Variants in RFTN1 observed in about 807,000 individuals in gnomAD.
RFTN1 encodes raftlin.
RFTN1 carries 26 observed loss-of-function variants against 46.5 expected under a neutral mutation model. The ratio of observed to expected loss-of-function variants is 0.56; its 90% confidence interval spans 0.41 to 0.78. The LOEUF (loss-of-function observed/expected upper bound fraction) is 0.78. Among genes scored for constraint, RFTN1 ranks in the 30% least tolerant of loss-of-function variants. The pLI, the probability that RFTN1 is intolerant of heterozygous loss-of-function variation, is 0.00. For missense variants in RFTN1, 693 were observed against 718.7 expected, an observed-to-expected ratio of 0.96 and a Z score of 0.41; for synonymous variants, 261 against 284.2, an observed-to-expected ratio of 0.92 and a Z score of 0.82.
At chr3:16,357,865 A>T in intron 7 of RFTN1, 67 bp downstream of exon 7, 1 of 1,002,284 alleles carries the variant, frequency 1.0e-6, no homozygotes, top group Non-Finnish European at 1.6e-6. Context: ...CCACGGTCAG[A>T]TCAAGCAGGC....
At position 16,374,086 on chromosome 3, in the gene RFTN1, AGG is replaced by A. The variant is rs2073642620; in HGVS notation, c.826+3630_826+3631del. 6.6e-6 allele frequency among the ~76,000 whole-genome samples: 1 copy of A among 152,202 alleles called. No individual in the cohort carries two copies. The highest frequency in any genetic ancestry group is 6.5e-5 in the Admixed American group (1 of 15,282). ...CACCTGCAAGCATGACAGCAGCCAC[AGG>A]CATGTGTCCCATATTTACAAGGGCC... On this transcript the variant is annotated intron_variant, in intron 5 of 9. Coordinates refer to ENST00000334133, the MANE Select transcript of RFTN1 (RefSeq NM_015150.2). The surrounding 1 kb of genome is among the most constrained non-coding windows in gnomAD (Gnocchi z 5.4).
At chr3:16,461,202 C>T (rs1323580228) in intron 2 of RFTN1, among the ~76,000 whole-genome samples, 1 of 151,770 alleles carries the variant, frequency 6.6e-6, no homozygotes, top group Non-Finnish European at 1.5e-5. Flanking sequence ...ATAAGCTCTG[C>T]TATAATGAGT....
rs570108584 is a variant in RFTN1 at position 16,436,783 on chromosome 3, A to G, written c.146-2746T>C. 4.6e-5 allele frequency among the ~76,000 whole-genome samples: 7 copies of G among 152,304 alleles called. No individual in the cohort carries two copies. The East Asian group carries it at 1.3e-3, about 29-fold the overall frequency. ...GTTTATGACTGTGATCCATTAATCT[A>G]TTTGTATAAAACACTACTTCAAACA... On this transcript the variant is annotated intron_variant, in intron 2 of 9. Coordinates refer to ENST00000334133, the MANE Select transcript of RFTN1 (RefSeq NM_015150.2).
rs1410916632 is a variant in RFTN1 at position 16,425,336 on chromosome 3, T to C, written c.332+8515A>G. On this transcript the variant is annotated intron_variant, in intron 3 of 9. Coordinates refer to ENST00000334133, the MANE Select transcript of RFTN1 (RefSeq NM_015150.2). This position sits in a 1 kb window ranked among gnomAD's most constrained non-coding sequence, Gnocchi z 4.3. ...TGAAGTATTCACCCAAGTTTTAAGA[T>C]TAACAGGAAATTTCAAAGAAATTCA... Among the ~76,000 whole-genome samples, 1 of 152,204 alleles carries C rather than the reference T, an allele frequency of 6.6e-6. No individual in the cohort carries two copies. The highest frequency in any genetic ancestry group is 1.5e-5 in the Non-Finnish European group (1 of 68,034).
Position 16,479,466 on chromosome 3 carries a change from G to C in RFTN1, c.145+14259C>G, listed in dbSNP as rs75124651. Among the ~76,000 whole-genome samples the C allele has an allele frequency of 0.033, 5,010 of 152,276 alleles. 129 individuals carry two copies. The highest frequency in any genetic ancestry group is 0.065 in the Middle Eastern group (19 of 294). ...TTGGATCACCAGTCTGAGGGATATG[G>C]AAGGCAATCCAGAAAAACCTCAACA... On this transcript the variant is annotated intron_variant, in intron 2 of 9. Transcript: ENST00000334133. The surrounding 1 kb of genome is among the most constrained non-coding windows in gnomAD (Gnocchi z 5.1).
Position 16,450,675 on chromosome 3 carries a change from A to G in RFTN1, c.146-16638T>C, listed in dbSNP as rs2075808967. On this transcript the variant is annotated intron_variant, in intron 2 of 9. Transcript: ENST00000334133. The surrounding 1 kb of genome is among the most constrained non-coding windows in gnomAD (Gnocchi z 4.6). ...CCAGGATTAAAACAATAAGTTTAAC[A>G]AATGCTATAAAACTAATCTAGTGTC... Among the ~76,000 whole-genome samples, 1 of 152,248 alleles carries G rather than the reference A, an allele frequency of 6.6e-6. No homozygotes were observed. The highest frequency in any genetic ancestry group is 2.4e-5 in the African/African-American group (1 of 41,470).
At position 16,410,220 on chromosome 3, in the gene RFTN1, C is replaced by T. The variant is rs1259257774; in HGVS notation, c.333-737G>A. ...ATACAGCTTACATGTTATACACACA[C>T]ACACACACACACACACACACACACA... On this transcript the variant is annotated intron_variant, in intron 3 of 9. Transcript: ENST00000334133. This position sits in a 1 kb window ranked among gnomAD's most constrained non-coding sequence, Gnocchi z 4.6. Among the ~76,000 whole-genome samples, 20 of 69,750 alleles carry T rather than the reference C, an allele frequency of 2.9e-4. No homozygotes were observed. The highest frequency in any genetic ancestry group is 8.7e-4 in the African/African-American group (20 of 22,894). The allele number at this position is 69,750 out of a possible 152,430, so 45.8% of individuals were successfully genotyped here.
At position 16,382,515 on chromosome 3, in the gene RFTN1, A is replaced by G. The variant is rs1449775809; in HGVS notation, c.442-4413T>C. 6.6e-6 allele frequency among the ~76,000 whole-genome samples: 1 copy of G among 152,148 alleles called. No individual in the cohort carries two copies. The highest frequency in any genetic ancestry group is 2.4e-5 in the African/African-American group (1 of 41,428). Reference sequence around the variant, plus strand: ...CCGGCTGCCAGCTCTCCTCCACTCTACACTCCCCTTGGTGACTTCCTCTAC... The same window carrying G: ...CCGGCTGCCAGCTCTCCTCCACTCTGCACTCCCCTTGGTGACTTCCTCTAC... On this transcript the variant is annotated intron_variant, in intron 4 of 9. Coordinates refer to ENST00000334133, the MANE Select transcript of RFTN1 (RefSeq NM_015150.2). This position sits in a 1 kb window ranked among gnomAD's most constrained non-coding sequence, Gnocchi z 4.7.
chr3:16,407,828 C>T lies in RFTN1; in HGVS notation c.441+1547G>A, dbSNP rs2074896171. ...TCTTAAATAATAATCTGAATTCTACCAGAGTAGAAAGAGCCTCCCTCATCC... is the reference window on the plus strand; with the variant it reads ...TCTTAAATAATAATCTGAATTCTACTAGAGTAGAAAGAGCCTCCCTCATCC... On this transcript the variant is annotated intron_variant, in intron 4 of 9. Coordinates refer to ENST00000334133, the MANE Select transcript of RFTN1 (RefSeq NM_015150.2). This position sits in a 1 kb window ranked among gnomAD's most constrained non-coding sequence, Gnocchi z 4.0. Among the ~76,000 whole-genome samples, 1 of 151,954 alleles carries T rather than the reference C, an allele frequency of 6.6e-6. No homozygotes were observed. Among genetic ancestry groups the T allele is most frequent in the Non-Finnish European group, 1.5e-5 (1 of 68,002 alleles).
chr3:16,357,590 GCT>G (rs2072535509), intron 7 of RFTN1, among the ~76,000 whole-genome samples: 1 of 152,016 alleles, frequency 6.6e-6, no homozygotes, highest in Non-Finnish European at 1.5e-5. Flanking sequence ...TATTGATGCT[GCT>G]CTGAGTATTA....
rs2076667204 is a variant in RFTN1 at position 16,499,043 on chromosome 3, G to A, written c.-8-5166C>T. ...CAGTGGGAGGGAAGGCAGAGGAAAA[G>A]GTCTAAGGAATAGTACTGTCAGATG... On this transcript the variant is annotated intron_variant, in intron 1 of 9. Transcript: ENST00000334133. The surrounding 1 kb of genome is among the most constrained non-coding windows in gnomAD (Gnocchi z 4.9). Among the ~76,000 whole-genome samples the A allele has an allele frequency of 2.0e-5, 3 of 152,306 alleles. No individual in the cohort carries two copies. In the South Asian group the frequency reaches 6.2e-4, roughly 32 times the overall value.
Position 16,357,133 on chromosome 3 carries a change from A to AC in RFTN1, c.1146+798_1146+799insG, listed in dbSNP as rs1553729410. Reference sequence around the variant, plus strand: ...CCATCTCAAAAAAAAAAAAAACAAAAAAACAAACAAACAAACAAACAAAAA... The same window carrying AC: ...CCATCTCAAAAAAAAAAAAAACAAAACAAACAAACAAACAAACAAACAAAAA... On this transcript the variant is annotated intron_variant, in intron 7 of 9. Transcript: ENST00000334133. Among the ~76,000 whole-genome samples the AC allele has an allele frequency of 8.8e-3, 1,230 of 139,294 alleles. 26 individuals are homozygous for AC. The highest frequency in any genetic ancestry group is 0.035 in the African/African-American group (1,167 of 33,286). 91.4% of individuals were successfully genotyped at this position (139,294 alleles called of 152,430 possible). A position where few individuals can be genotyped will look rare whatever the true frequency, so the allele number is the denominator to read the frequency against.
chr3:16,378,343 T>C (rs181563829), intron 4 of RFTN1, among the ~76,000 whole-genome samples: 1 of 152,344 alleles, frequency 6.6e-6, no homozygotes, highest in Admixed American at 6.5e-5. Context: ...AGCATTTGGC[T>C]TTGAAGAGTT....
rs73816458 is a variant in RFTN1, at chr3:16,442,584, C to T, written c.146-8547G>A. On this transcript the variant is annotated intron_variant, in intron 2 of 9. Transcript: ENST00000334133. The surrounding 1 kb of genome is among the most constrained non-coding windows in gnomAD (Gnocchi z 4.1). ...CACATAGTTAGTTTTCTTTTTTGTG[C>T]GTGGTAAGAGTACCTAAAATCTATT... Among the ~76,000 whole-genome samples the T allele has an allele frequency of 5.7e-3, 869 of 152,170 alleles. 10 individuals are homozygous for T. Among genetic ancestry groups the T allele is most frequent in the African/African-American group, 0.02 (819 of 41,530 alleles).
At chr3:16,464,963 C>T (rs1386574697) in intron 2 of RFTN1, among the ~76,000 whole-genome samples, 1 of 152,164 alleles carries the variant, frequency 6.6e-6, no homozygotes, top group African/African-American at 2.4e-5. Context: ...CTTATTCCAG[C>T]CATCTCCCCA....
intron 5 of RFTN1, among the ~76,000 whole-genome samples, chr3:16,373,292 C>T (rs2125367339): frequency 6.6e-6 from 1 of 152,348 alleles, no homozygotes; most frequent in South Asian, 2.1e-4. Context: ...CTCATCTCTC[C>T]CTTTCCCCCA....
Position 16,384,413 on chromosome 3 carries a change from G to A in RFTN1, c.442-6311C>T, listed in dbSNP as rs2074096979. Among the ~76,000 whole-genome samples the A allele has an allele frequency of 6.6e-6, 1 of 152,190 alleles. No individual in the cohort carries two copies. Among genetic ancestry groups the A allele is most frequent in the Non-Finnish European group, 1.5e-5 (1 of 68,034 alleles). On this transcript the variant is annotated intron_variant, in intron 4 of 9. Coordinates refer to ENST00000334133, the MANE Select transcript of RFTN1 (RefSeq NM_015150.2). This position sits in a 1 kb window ranked among gnomAD's most constrained non-coding sequence, Gnocchi z 4.7. ...TCGGTACAGGCTCCCAAATGACAGT[G>A]AGCCCCAAACAGAAACAAGACAACT...
At position 16,465,105 on chromosome 3, in the gene RFTN1, G is replaced by A. The variant is rs1165131047; in HGVS notation, c.145+28620C>T. ...GTAAGGAAAAGGGAGGTGTCTCAGC[G>A]AACACAATTAAGGGTCTTTCTATTT... On this transcript the variant is annotated intron_variant, in intron 2 of 9. Transcript: ENST00000334133. This position sits in a 1 kb window ranked among gnomAD's most constrained non-coding sequence, Gnocchi z 5.1. Among the ~76,000 whole-genome samples the A allele has an allele frequency of 4.0e-5, 6 of 151,862 alleles. No homozygotes were observed. Among genetic ancestry groups the A allele is most frequent in the Admixed American group, 1.3e-4 (2 of 15,252 alleles).
At chr3:16,408,969 T>C (rs904864316) in intron 4 of RFTN1, among the ~76,000 whole-genome samples, 3 of 152,196 alleles carry the variant, frequency 2.0e-5, no homozygotes, top group Non-Finnish European at 2.9e-5. Flanking sequence ...TATGTTCGAA[T>C]GTGGGTGGCC....
Sources: allele counts gnomAD v4.1 joint callset (sites outside exome capture counted in the v4.1 genomes callset), GRCh38; gene constraint gnomAD v4.1.1; non-coding constraint Gnocchi (gnomAD v3.1); transcripts MANE v1.5; gene names NCBI Gene and HGNC (gene_info 2026-07-23, HGNC 2026-07-21).